The following RTN1 variants were observed in gnomAD, a reference collection of about 807,000 sequenced individuals.
RTN1 encodes reticulon 1.
RTN1 carries 25 observed loss-of-function variants against 65.5 expected under a neutral mutation model. The ratio of observed to expected loss-of-function variants is 0.38; its 90% CI spans 0.28 to 0.53. The LOEUF is 0.53. RTN1 is among the 20% of genes least tolerant of loss of function. The pLI is 0.79. For synonymous variants in RTN1, 471 were observed against 447.6 expected, an observed-to-expected ratio of 1.05 and a Z score of -0.66; for missense variants, 983 against 1,025.4, an observed-to-expected ratio of 0.96 and a Z score of 0.57.
intron 3 of RTN1, among the ~76,000 whole-genome samples, chr14:59,708,231 C>G (rs955909811): frequency 6.6e-6 from 1 of 152,212 alleles, no homozygotes; most frequent in African/African-American, 2.4e-5. Context: ...AGCCCACAGT[C>G]TCAGGAATCT....
chr14:59,848,215 G>A (rs1887442791), intron 1 of RTN1, among the ~76,000 whole-genome samples: 2 of 152,186 alleles, frequency 1.3e-5, no homozygotes, highest in South Asian at 4.1e-4. Flanking sequence ...CCTGAATGTA[G>A]CATCCCCTTT....
chr14:59,830,096 C>G (rs1887099495), intron 1 of RTN1, among the ~76,000 whole-genome samples: 1 of 152,186 alleles, frequency 6.6e-6, no homozygotes, highest in Admixed American at 6.5e-5. Context: ...GGAATAACTA[C>G]GTGGCCTTCT....
intron 3 of RTN1, chr14:59,630,552 A>C (rs768292064): frequency 6.2e-7 from 1 of 1,610,502 alleles, no homozygotes; most frequent in Non-Finnish European, 8.5e-7. Flanking sequence ...GGGGGCGCCG[A>C]GCGTGCACTC....
chr14:59,672,558 T>C (rs142503075), intron 3 of RTN1, among the ~76,000 whole-genome samples: 108 of 152,114 alleles, frequency 7.1e-4, no homozygotes, highest in African/African-American at 2.6e-3. Context: ...TATTAGATGA[T>C]GGTTATTTAT....
chr14:59,869,770 T>C (rs544316651), intron 1 of RTN1, among the ~76,000 whole-genome samples: 23 of 152,256 alleles, frequency 1.5e-4, no homozygotes, highest in Admixed American at 3.9e-4. Flanking sequence ...CCCAACCCTC[T>C]TGCAAAGCTG....
intron 2 of RTN1, among the ~76,000 whole-genome samples, chr14:59,741,701 G>A (rs369056045): frequency 1.7e-4 from 26 of 152,082 alleles, no homozygotes; most frequent in Non-Finnish European, 2.9e-4. Context: ...TCTGTCCAAT[G>A]GTGTTCTCTG....
intron 1 of RTN1, among the ~76,000 whole-genome samples, chr14:59,811,746 C>T (rs1886733011): frequency 6.6e-6 from 1 of 152,188 alleles, no homozygotes; most frequent in African/African-American, 2.4e-5. Context: ...ACTGGAGTTT[C>T]AACATGTCTC....
At chr14:59,802,591 C>A (rs1886567108) in intron 1 of RTN1, among the ~76,000 whole-genome samples, 1 of 152,106 alleles carries the variant, frequency 6.6e-6, no homozygotes, top group Non-Finnish European at 1.5e-5. Context: ...TATGAGATGG[C>A]ATTTGGAATT....
chr14:59,608,661 G>A (rs927653490), intron 3 of RTN1, among the ~76,000 whole-genome samples: 6 of 152,070 alleles, frequency 3.9e-5, no homozygotes, highest in African/African-American at 9.7e-5. Context: ...ATCTGAAGCC[G>A]GAGAGAGAAT....
chr14:59,657,641 G>A (rs1331399417), intron 3 of RTN1, among the ~76,000 whole-genome samples: 1 of 152,274 alleles, frequency 6.6e-6, no homozygotes, highest in East Asian at 1.9e-4. Flanking sequence ...AGTGCAAGGG[G>A]TCAGGGAACT....
chr14:59,673,333 C>A (rs1276820839), intron 3 of RTN1, among the ~76,000 whole-genome samples: 1 of 152,072 alleles, frequency 6.6e-6, no homozygotes, highest in African/African-American at 2.4e-5. Context: ...GAGTGGTACC[C>A]AGTGGCTTTG....
chr14:59,816,361 C>G lies in RTN1; in HGVS notation c.241+54029G>C, dbSNP rs1417789954. The stretch of plus-strand genomic sequence containing the variant: ...GCCCATCTCCACTTTGTCCATTTCT[C>G]TACCACTACAGTTGACCATATGGTA... On this transcript the variant is annotated intron_variant, in intron 1 of 8. Transcript: ENST00000267484. This position sits in a 1 kb window ranked among gnomAD's most constrained non-coding sequence, Gnocchi z 4.3. 6.6e-6 allele frequency among the ~76,000 whole-genome samples: 1 copy of G among 152,150 alleles called. No homozygotes were observed. The highest frequency in any genetic ancestry group is 6.6e-5 in the Admixed American group (1 of 15,264).
chr14:59,756,998 CA>C (rs1291633658), intron 1 of RTN1, among the ~76,000 whole-genome samples: 5 of 151,878 alleles, frequency 3.3e-5, no homozygotes, highest in African/African-American at 9.7e-5. Flanking sequence ...TCTTTGTTTA[CA>C]AAAAAATACT....
intron 3 of RTN1, among the ~76,000 whole-genome samples, chr14:59,717,444 C>A (rs952889549): frequency 6.6e-6 from 1 of 152,166 alleles, no homozygotes; most frequent in African/African-American, 2.4e-5. Context: ...GACTACAACT[C>A]AACCCCACTC....
chr14:59,612,572 C>T (rs1043741733), intron 3 of RTN1, among the ~76,000 whole-genome samples: 13 of 152,142 alleles, frequency 8.5e-5, no homozygotes, highest in East Asian at 5.8e-4. Context: ...TGTTCTGTAA[C>T]GGAGAGGGGG....
chr14:59,709,681 C>T (rs1435891530), intron 3 of RTN1, among the ~76,000 whole-genome samples: 2 of 152,246 alleles, frequency 1.3e-5, no homozygotes, highest in East Asian at 3.9e-4. Flanking sequence ...CAAAAAATTG[C>T]CCTGAATTAG....
chr14:59,599,307 C>T (rs1031150710), intron 8 of RTN1, among the ~76,000 whole-genome samples: 5 of 152,300 alleles, frequency 3.3e-5, no homozygotes, highest in African/African-American at 4.8e-5. Context: ...TCGGCATTCT[C>T]GCTTACTCAA....
intron 1 of RTN1, among the ~76,000 whole-genome samples, chr14:59,749,503 AT>A (rs1490272446): frequency 2.8e-5 from 2 of 72,186 alleles, no homozygotes; most frequent in African/African-American, 1.6e-4. Flanking sequence ...ATATATATCT[AT>A]ATATAGATAT....
chr14:59,791,395 T>C (rs776509391), intron 1 of RTN1, among the ~76,000 whole-genome samples: 3 of 152,192 alleles, frequency 2.0e-5, no homozygotes, highest in Non-Finnish European at 4.4e-5. Flanking sequence ...GCTGGGACTT[T>C]AAGCAGTTAC....
Sources: gnomAD v4.1 joint callset for allele counts (sites outside exome capture counted in the v4.1 genomes callset) on GRCh38, gnomAD v4.1.1 for gene constraint, Gnocchi (gnomAD v3.1) non-coding constraint, MANE v1.5 for transcripts, NCBI Gene and HGNC (gene_info 2026-07-23, HGNC 2026-07-21) for gene names.